Variants in PALLD observed in about 807,000 individuals in gnomAD.
PALLD encodes palladin, cytoskeletal associated protein, also known as palladin.
Under a neutral mutation model 123.5 loss-of-function variants are expected in PALLD, and 61 were observed. That is an observed-to-expected ratio of 0.49 (90% confidence interval 0.40 to 0.61). PALLD has a LOEUF of 0.61. Among genes scored for constraint, PALLD ranks in the 20% least tolerant of loss-of-function variants. The pLI is 0.00. For missense variants in PALLD, 1,273 were observed against 1,377.0 expected, an observed-to-expected ratio of 0.92 and a Z score of 1.20; for synonymous variants, 465 against 496.4, an observed-to-expected ratio of 0.94 and a Z score of 0.84.
At chr4:168,796,478 G>A (rs1018108882) in intron 10 of PALLD, among the ~76,000 whole-genome samples, 5 of 152,164 alleles carry the variant, frequency 3.3e-5, no homozygotes, top group African/African-American at 7.2e-5. Context: ...TTATTTGCAC[G>A]ATTGGCAGTT....
intron 10 of PALLD, among the ~76,000 whole-genome samples, chr4:168,794,494 G>GCACACACACATGCACA (rs1213666061): frequency 8.1e-5 from 11 of 135,762 alleles, no homozygotes; most frequent in African/African-American, 2.1e-4. Flanking sequence ...ACACATGCAC[G>GCACACACACATGCACA]CACACACACA....
intron 1 of PALLD, among the ~76,000 whole-genome samples, chr4:168,500,029 TG>T (rs1761231487): frequency 2.0e-5 from 3 of 152,232 alleles, no homozygotes; most frequent in African/African-American, 7.2e-5. Context: ...ACCCTGAGTC[TG>T]CCACTTTCTG....
chr4:168,780,557 C>T (rs543426276), intron 10 of PALLD, among the ~76,000 whole-genome samples: 4 of 152,352 alleles, frequency 2.6e-5, no homozygotes, highest in Non-Finnish European at 5.9e-5. Flanking sequence ...TCTTATCCTG[C>T]CTCATCCTTT....
chr4:168,906,197 A>T (rs967204213), intron 15 of PALLD, among the ~76,000 whole-genome samples: 30 of 152,124 alleles, frequency 2.0e-4, no homozygotes, highest in Non-Finnish European at 7.4e-5. Context: ...GTCCTTACGT[A>T]TTTGCCAACA....
At chr4:168,645,447 CG>C (rs1333881186) in intron 2 of PALLD, among the ~76,000 whole-genome samples, 5 of 152,262 alleles carry the variant, frequency 3.3e-5, no homozygotes, top group African/African-American at 1.2e-4. Context: ...TGTCACTTAT[CG>C]GGCGGCAATA....
At chr4:168,563,181 T>C (rs779838654) in intron 2 of PALLD, among the ~76,000 whole-genome samples, 225 of 150,852 alleles carry the variant, frequency 1.5e-3, no homozygotes, top group Non-Finnish European at 2.2e-3. Flanking sequence ...GAGAAGACAG[T>C]TGGTGTCAAG....
At chr4:168,619,751 G>C in intron 2 of PALLD, among the ~76,000 whole-genome samples, 1 of 152,158 alleles carries the variant, frequency 6.6e-6, no homozygotes, top group East Asian at 1.9e-4. Context: ...GGCTTGGACT[G>C]ACACTTCTGT....
intron 2 of PALLD, among the ~76,000 whole-genome samples, chr4:168,561,447 A>G (rs562247059): frequency 2.6e-5 from 4 of 151,246 alleles, no homozygotes; most frequent in Admixed American, 2.0e-4. Flanking sequence ...TAATTTTTAA[A>G]TTTTTTTTTG....
At chr4:168,565,059 G>T (rs1044208994) in intron 2 of PALLD, among the ~76,000 whole-genome samples, 12 of 151,798 alleles carry the variant, frequency 7.9e-5, no homozygotes, top group Non-Finnish European at 1.5e-4. Context: ...TGGGCATGGT[G>T]GCACATGCCT....
Position 168,869,127 on chromosome 4 carries a change from T to C in PALLD, c.1965-21795T>C, listed in dbSNP as rs1750736918. 1.3e-5 allele frequency among the ~76,000 whole-genome samples: 2 copies of C among 152,188 alleles called. No homozygotes were observed. Among genetic ancestry groups the C allele is most frequent in the African/African-American group, 4.8e-5 (2 of 41,448 alleles). The stretch of plus-strand genomic sequence containing the variant: ...TTTGGATACTAACAAGCCAGAAATA[T>C]ATAAGTACTGTTACTTATAAGAGCT... On this transcript the variant is annotated intron_variant, in intron 10 of 21. Coordinates refer to ENST00000505667, the MANE Select transcript of PALLD (RefSeq NM_001166108.2). The surrounding 1 kb of genome is among the most constrained non-coding windows in gnomAD (Gnocchi z 4.5).
chr4:168,897,280 C>G (rs1433443616), intron 13 of PALLD, among the ~76,000 whole-genome samples: 2 of 152,190 alleles, frequency 1.3e-5, no homozygotes, highest in South Asian at 4.1e-4. Flanking sequence ...AGCAAAACAA[C>G]TTGTGGTATA....
intron 10 of PALLD, among the ~76,000 whole-genome samples, chr4:168,809,399 G>A (rs1740733036): frequency 6.6e-6 from 1 of 151,598 alleles, no homozygotes; most frequent in African/African-American, 2.4e-5. Flanking sequence ...GGCAATGGTT[G>A]GAAAGATATT....
intron 10 of PALLD, chr4:168,878,435 C>A: frequency 7.1e-7 from 1 of 1,415,074 alleles, no homozygotes; most frequent in Non-Finnish European, 9.3e-7. Context: ...TGCCCCTCCG[C>A]CTCGGGTCGC....
At chr4:168,723,385 G>C (rs1324583464) in intron 10 of PALLD, among the ~76,000 whole-genome samples, 2 of 152,184 alleles carry the variant, frequency 1.3e-5, no homozygotes, top group Non-Finnish European at 2.9e-5. Context: ...TCCTTGCTCA[G>C]AAGGATACTG....
In PALLD at chr4:168,799,062, A is replaced by G. The variant is rs142704119; in HGVS notation, c.1964+87139A>G. Among the ~76,000 whole-genome samples the G allele has an allele frequency of 1.9e-4, 29 of 152,340 alleles. No homozygotes were observed. In the East Asian group the frequency reaches 5.6e-3, roughly 29 times the overall value. ...AATTTATAGACAAAAAATAATAATAATAAAGTGACGTACAGGAATCAGAAG... is the reference window on the plus strand; with the variant it reads ...AATTTATAGACAAAAAATAATAATAGTAAAGTGACGTACAGGAATCAGAAG... On this transcript the variant is annotated intron_variant, in intron 10 of 21. Transcript: ENST00000505667.
chr4:168,741,033 G>A (rs183770489), intron 10 of PALLD, among the ~76,000 whole-genome samples: 30 of 152,310 alleles, frequency 2.0e-4, no homozygotes, highest in African/African-American at 7.0e-4. Flanking sequence ...TAATAGAGAA[G>A]ACTGTTAAGT....
chr4:168,730,788 G>T (rs1376015002), intron 10 of PALLD, among the ~76,000 whole-genome samples: 1 of 152,088 alleles, frequency 6.6e-6, no homozygotes, highest in East Asian at 1.9e-4. Context: ...CCTGAGTAAG[G>T]GAAGGGGGTT....
At chr4:168,604,663 C>T (rs1772990160) in intron 2 of PALLD, among the ~76,000 whole-genome samples, 1 of 152,210 alleles carries the variant, frequency 6.6e-6, no homozygotes, top group African/African-American at 2.4e-5. Flanking sequence ...AAGAAAGTTA[C>T]ATAAAGTGCA....
intron 15 of PALLD, among the ~76,000 whole-genome samples, chr4:168,911,127 G>GAT (rs2151381337): frequency 6.6e-6 from 1 of 152,274 alleles, no homozygotes; most frequent in South Asian, 2.1e-4. Flanking sequence ...CCTTGTGAGA[G>GAT]ATATATGTAG....
Sources: allele counts gnomAD v4.1 joint callset (sites outside exome capture counted in the v4.1 genomes callset), GRCh38; gene constraint gnomAD v4.1.1; non-coding constraint Gnocchi (gnomAD v3.1); transcripts MANE v1.5; gene names NCBI Gene and HGNC (gene_info 2026-07-23, HGNC 2026-07-21).